WWOX: variants seen among roughly 807,000 people sequenced by gnomAD.
The protein encoded by WWOX is WW domain-containing oxidoreductase.
A neutral mutation model predicts 46.2 loss-of-function variants in WWOX; 69 were observed. The ratio of observed to expected loss-of-function variants is 1.49; its 90% CI spans 1.23 to 1.82. The LOEUF (loss-of-function observed/expected upper bound fraction) is 1.82, where lower values mean the gene tolerates loss of function less well. Among genes scored for constraint, WWOX ranks in the 40% most tolerant of loss-of-function variants. The pLI is 0.00. For missense variants in WWOX, 919 were observed against 542.6 expected, an observed-to-expected ratio of 1.69 and a Z score of -6.89; for synonymous variants, 359 against 202.6, an observed-to-expected ratio of 1.77 and a Z score of -6.56.
intron 4 of WWOX, among the ~76,000 whole-genome samples, chr16:78,139,046 A>G (rs1472234537): frequency 6.6e-6 from 1 of 152,072 alleles, no homozygotes; most frequent in East Asian, 1.9e-4. Flanking sequence ...GACCGTATCT[A>G]GAATATTACG....
intron 8 of WWOX, among the ~76,000 whole-genome samples, chr16:78,791,881 AAACAAC>A (rs577055974): frequency 3.9e-5 from 6 of 152,058 alleles, no homozygotes; most frequent in South Asian, 2.1e-4. Context: ...TTTGTCTCAA[AAACAAC>A]AACAACAACA....
chr16:78,612,984 G>C (rs779206655), intron 8 of WWOX, among the ~76,000 whole-genome samples: 17 of 152,218 alleles, frequency 1.1e-4, no homozygotes, highest in Non-Finnish European at 1.9e-4. Context: ...CCTACCTGTG[G>C]ATCTATGACC....
At chr16:78,730,150 G>A (rs117922116) in intron 8 of WWOX, among the ~76,000 whole-genome samples, 1,545 of 152,234 alleles carry the variant, frequency 0.01, 18 homozygotes, top group Middle Eastern at 0.048. Context: ...AACTACTTGG[G>A]CAAGAATATA....
At chr16:78,865,579 A>G (rs1317607959) in intron 8 of WWOX, among the ~76,000 whole-genome samples, 1 of 152,128 alleles carries the variant, frequency 6.6e-6, no homozygotes, top group African/African-American at 2.4e-5. Context: ...GTAAAGTGCA[A>G]GGAATTGTGT....
chr16:78,389,165 T>C lies in WWOX; in HGVS notation c.605+2217T>C, dbSNP rs141001776. Among the ~76,000 whole-genome samples, 732 of 152,300 alleles carry C rather than the reference T, an allele frequency of 4.8e-3. 13 individuals carry two copies. The highest frequency in any genetic ancestry group is 0.034 in the East Asian group (178 of 5,180). Reference sequence around the variant, plus strand: ...GAGAGAGCCCTCCTGTGTGTGTCCTTTGCAGCGCTTGGCTGTTAGTAGCTT... The same window carrying C: ...GAGAGAGCCCTCCTGTGTGTGTCCTCTGCAGCGCTTGGCTGTTAGTAGCTT... On this transcript the variant is annotated intron_variant, in intron 6 of 8. Transcript: ENST00000566780.
intron 5 of WWOX, among the ~76,000 whole-genome samples, chr16:78,369,547 C>A (rs1253291179): frequency 6.6e-6 from 1 of 152,140 alleles, no homozygotes; most frequent in Non-Finnish European, 1.5e-5. Context: ...GCGCTGGCCA[C>A]ACAAGTGCAC....
At chr16:78,118,419 G>A (rs1472168278) in intron 4 of WWOX, among the ~76,000 whole-genome samples, 4 of 152,084 alleles carry the variant, frequency 2.6e-5, no homozygotes, top group Admixed American at 2.6e-4. Context: ...AGGTATTACC[G>A]CTGCTGACTG....
chr16:79,016,292 C>G lies in WWOX; in HGVS notation c.1057-195316C>G, dbSNP rs1224893218. ...AATGAAACTGCTGCTTAACTTTTCT[C>G]CCACTGATGAGATGCGGTGATGCTG... On this transcript the variant is annotated intron_variant, in intron 8 of 8. Coordinates refer to ENST00000566780, the MANE Select transcript of WWOX (RefSeq NM_016373.4). 6 of 152,380 alleles carry G rather than the reference C, an allele frequency of 3.9e-5. No individual in the cohort carries two copies. The Middle Eastern group carries it at 0.01, about 257-fold the overall frequency. The allele number at this position is 152,380 out of a possible 1,614,324, so 9.4% of individuals were successfully genotyped here.
chr16:78,808,328 T>C (rs1049477960), intron 8 of WWOX, among the ~76,000 whole-genome samples: 2 of 152,210 alleles, frequency 1.3e-5, no homozygotes, highest in East Asian at 1.9e-4. Flanking sequence ...ACTTCAAACC[T>C]GTATATGCTG....
chr16:78,743,632 T>G (rs1290918328), intron 8 of WWOX, among the ~76,000 whole-genome samples: 2 of 152,192 alleles, frequency 1.3e-5, no homozygotes, highest in East Asian at 3.9e-4. Context: ...CCCACTTTTC[T>G]GAGTTGCAGA....
chr16:78,843,506 C>G (rs766076411), intron 8 of WWOX, among the ~76,000 whole-genome samples: 1 of 150,066 alleles, frequency 6.7e-6, no homozygotes, highest in African/African-American at 2.4e-5. Context: ...CCATATGCAA[C>G]AAACCCACAA....
intron 8 of WWOX, among the ~76,000 whole-genome samples, chr16:78,596,655 A>G (rs1055763265): frequency 6.6e-6 from 1 of 152,202 alleles, no homozygotes; most frequent in African/African-American, 2.4e-5. Context: ...TGGGGAGAAC[A>G]CGGACTGTGT....
chr16:78,376,815 G>C (rs995911108), intron 5 of WWOX, among the ~76,000 whole-genome samples: 7 of 152,310 alleles, frequency 4.6e-5, no homozygotes, highest in East Asian at 1.9e-4. Flanking sequence ...TGGGCTATCA[G>C]GGTATAGTTC....
At chr16:79,064,227 G>C (rs1025871121) in intron 8 of WWOX, among the ~76,000 whole-genome samples, 1 of 152,192 alleles carries the variant, frequency 6.6e-6, no homozygotes, top group Non-Finnish European at 1.5e-5. Flanking sequence ...CATATACGAA[G>C]TGTTGTAATA....
intron 8 of WWOX, among the ~76,000 whole-genome samples, chr16:78,861,098 G>T (rs951454944): frequency 8.5e-5 from 13 of 152,122 alleles, no homozygotes; most frequent in African/African-American, 3.1e-4. Context: ...GGGATTATAG[G>T]TGTGAGCCAC....
chr16:79,065,054 T>C (rs1322573007), intron 8 of WWOX, among the ~76,000 whole-genome samples: 1 of 152,182 alleles, frequency 6.6e-6, no homozygotes, highest in Admixed American at 6.5e-5. Flanking sequence ...CGTGTATGCC[T>C]GTGTGTGTCT....
At chr16:78,952,979 C>T (rs1222682047) in intron 8 of WWOX, among the ~76,000 whole-genome samples, 1 of 151,330 alleles carries the variant, frequency 6.6e-6, no homozygotes, top group Non-Finnish European at 1.5e-5. Context: ...ACACAATGCT[C>T]ATGAAAAATC....
chr16:78,238,914 C>T (rs777099189), intron 5 of WWOX, among the ~76,000 whole-genome samples: 1 of 151,948 alleles, frequency 6.6e-6, no homozygotes, highest in South Asian at 2.1e-4. Context: ...CCCAAAATAC[C>T]TTTCTAACAT....
At position 78,518,899 on chromosome 16, in the gene WWOX, C is replaced by T. The variant is rs761296527; in HGVS notation, c.1056+86147C>T. 2.6e-5 allele frequency among the ~76,000 whole-genome samples: 4 copies of T among 152,144 alleles called. No individual in the cohort carries two copies. The East Asian group carries it at 5.8e-4, about 22-fold the overall frequency. On this transcript the variant is annotated intron_variant, in intron 8 of 8. Transcript: ENST00000566780. ...ACATCCACATGTGTTCTTTGGTACTCACGGGTGTTATGGTTCATAGCTGTG... is the reference window on the plus strand; with the variant it reads ...ACATCCACATGTGTTCTTTGGTACTTACGGGTGTTATGGTTCATAGCTGTG...
Sources: allele counts gnomAD v4.1 joint callset (sites outside exome capture counted in the v4.1 genomes callset), GRCh38; gene constraint gnomAD v4.1.1; transcripts MANE v1.5; gene names NCBI Gene and HGNC (gene_info 2026-07-23, HGNC 2026-07-21).